C1R: variants seen among roughly 807,000 people sequenced by gnomAD.
C1R encodes complement C1r subcomponent.
In C1R, 15 loss-of-function variants were observed where a neutral mutation model predicts 27.6. The ratio of observed to expected loss-of-function variants is 0.54; its 90% confidence interval spans 0.36 to 0.84. The LOEUF (loss-of-function observed/expected upper bound fraction) is 0.84, where lower values mean the gene tolerates loss of function less well. Among genes scored for constraint, C1R ranks in the 40% least tolerant of loss-of-function variants. C1R has a pLI of 0.01. For missense variants in C1R, 544 were observed against 577.9 expected (o/e 0.94, Z 0.60); for synonymous variants, 253 against 228.8 (o/e 1.11, Z -0.95).
chr12:7,083,556 T>G (rs1938105973), intron 9 of C1R, among the ~76,000 whole-genome samples: 1 of 145,410 alleles, frequency 6.9e-6, no homozygotes, highest in South Asian at 2.2e-4. Context: ...GTGGCGACAG[T>G]GGTGTTGGTA....
chr12:7,089,037 G>A (rs1938206117), intron 5 of C1R, 51 bp from the exon 6 acceptor site: 1 of 682,522 alleles, frequency 1.5e-6, no homozygotes, highest in African/African-American at 1.8e-5. Flanking sequence ...TTTTACACAG[G>A]GCCAACTGGG....
chr12:7,086,746 T>C (rs1284143785), intron 7 of C1R: 5 of 285,194 alleles, frequency 1.8e-5, no homozygotes, highest in Non-Finnish European at 3.2e-5. Flanking sequence ...GAGGTCCAGT[T>C]GAATCCCACA....
intron 10 of C1R, 44 bp from the exon 11 acceptor site, chr12:7,081,345 C>T (rs748628678): frequency 1.3e-6 from 2 of 1,549,860 alleles, no homozygotes; most frequent in Non-Finnish European, 1.8e-6. Context: ...AGTTCCAGGT[C>T]CCACATCTCT....
chr12:7,091,824 G>GC lies in C1R; in HGVS notation c.3-145dup, dbSNP rs1938283515. 2 of 705,146 alleles carry GC rather than the reference G, an allele frequency of 2.8e-6. No homozygotes were observed. The highest frequency in any genetic ancestry group is 3.5e-5 in the African/African-American group (2 of 57,356). The allele number at this position is 705,146 out of a possible 1,614,324, so 43.7% of individuals were successfully genotyped here. On this transcript the variant is annotated intron_variant, in intron 1 of 10. Coordinates refer to ENST00000647956, the MANE Select transcript of C1R (RefSeq NM_001733.7). The surrounding 1 kb of genome is among the most constrained non-coding windows in gnomAD (Gnocchi z 5.1). ...CCTGAACCTCACAGACATGTTCTCA[G>GC]CAGGGGTGCGTGGGTGGGGAGGATG...
At position 7,081,203 on chromosome 12, in the gene C1R, T is replaced by A; in HGVS notation, c.1447A>T (p.Ile483Phe). The part of the protein sequence containing the change: ...GNFPWQVFTN[I>F]HGRGGGALLG... ...AGGGCCCCGCCCCCGCGCCCGTGGA[T>A]GTTGGTGAACACCTGCCAGGGGAAG... Residue 483 changes from isoleucine (I) to phenylalanine (F), a missense_variant, in exon 11 of 11, where the codon ATC becomes TTC. Around this residue, in one of 2 missense-constraint regions of C1R, gnomAD observed 253 missense variants for 368.9 expected, o/e 0.69. Coordinates refer to ENST00000647956, the MANE Select transcript of C1R (RefSeq NM_001733.7). The A allele has an allele frequency of 6.2e-7, 1 of 1,613,624 alleles. No individual in the cohort carries two copies. Among genetic ancestry groups the A allele is most frequent in the East Asian group, 2.2e-5 (1 of 44,878 alleles).
intron 10 of C1R, 66 bp from the exon 11 acceptor site, chr12:7,081,367 C>T: frequency 2.1e-6 from 3 of 1,425,408 alleles, no homozygotes; most frequent in South Asian, 1.2e-5. Context: ...CCTTCTGCAG[C>T]CAGCCAGCTC....
intron 9 of C1R, among the ~76,000 whole-genome samples, chr12:7,083,333 TTGG>T (rs1305343561): frequency 0.064 from 120 of 1,878 alleles, no homozygotes; most frequent in Middle Eastern, 0.25. Flanking sequence ...GGTAATGGTG[TTGG>T]TGGTGATGGT....
Position 7,090,100 on chromosome 12 carries a change from G to A in C1R, c.380C>T (p.Thr127Ile), listed in dbSNP as rs750515595. The A allele has an allele frequency of 6.4e-6, 5 of 778,054 alleles. No individual in the cohort carries two copies. Among genetic ancestry groups the A allele is most frequent in the Non-Finnish European group, 1.2e-5 (5 of 416,884 alleles). 48.2% of individuals were successfully genotyped at this position (778,054 alleles called of 1,614,324 possible). Residue 127 changes from threonine (T) to isoleucine (I), a missense_variant, in exon 3 of 11, where the codon ACC becomes ATC. Transcript: ENST00000647956. ...HTDFSNEENG[T>I]IMFYKGFLAY... ...CAGGAAGCCCTTGTAGAACATGATG[G>A]TCCCATTCTCCTCGTTGGAGAAGTC...
rs1938269194 is a variant in C1R, at chr12:7,091,372, G to A, written c.231+80C>T. The stretch of plus-strand genomic sequence containing the variant: ...GCTCTTGTGGGGCTGGGCTGTGTCT[G>A]GGGGTGTGCATGCCATACAGATCCC... On this transcript the variant is annotated intron_variant, in intron 2 of 10. Coordinates refer to ENST00000647956, the MANE Select transcript of C1R (RefSeq NM_001733.7). The surrounding 1 kb of genome is among the most constrained non-coding windows in gnomAD (Gnocchi z 5.1). The A allele has an allele frequency of 4.3e-6, 3 of 696,958 alleles. No individual in the cohort carries two copies. The highest frequency in any genetic ancestry group is 2.3e-5 in the Admixed American group (1 of 43,132). 43.2% of individuals were successfully genotyped at this position (696,958 alleles called of 1,614,324 possible). A position where few individuals can be genotyped will look rare whatever the true frequency, so the allele number is the denominator to read the frequency against.
chr12:7,080,926 G>C lies in C1R; in HGVS notation c.1724C>G (p.Pro575Arg). The change falls in exon 11 of 11, where the codon CCC (proline) becomes CGC (arginine). Residue 575 changes from proline to arginine, a missense_variant. By Grantham distance (103) the Pro-to-Arg change is moderately radical. Coordinates refer to ENST00000647956, the MANE Select transcript of C1R (RefSeq NM_001733.7). The surrounding 1 kb of genome is among the most constrained non-coding windows in gnomAD (Gnocchi z 4.9). ...NSVTLGPNLL[P>R]ICLPDNDTFY... is the part of the protein sequence containing the mutation. Reference sequence around the variant, plus strand: ...GGTATCGTTGTCAGGGAGGCAGATGGGGAGGAGGTTGGGACCCAGGGTGAC... The same window carrying C: ...GGTATCGTTGTCAGGGAGGCAGATGCGGAGGAGGTTGGGACCCAGGGTGAC... 2 of 1,613,110 alleles carry C rather than the reference G, an allele frequency of 1.2e-6. No homozygotes were observed. The highest frequency in any genetic ancestry group is 1.7e-6 in the Non-Finnish European group (2 of 1,179,102).
At chr12:7,088,753 A>T (rs762863929) in intron 6 of C1R, 22 bp from the exon 7 acceptor site, 16 of 776,288 alleles carry the variant, frequency 2.1e-5, no homozygotes, top group African/African-American at 3.4e-5. Context: ...ACCAGGGGGC[A>T]TATTTATTTC....
chr12:7,085,799 A>C (rs1938148930), intron 9 of C1R, 62 bp downstream of exon 9: 1 of 398,236 alleles, frequency 2.5e-6, no homozygotes, highest in Non-Finnish European at 4.4e-6. Context: ...TACTGGGAGA[A>C]ATCTCAGAGG....
rs1292867649 is a variant in C1R, at chr12:7,085,071, G to A, written c.1273+790C>T. Reference sequence around the variant, plus strand: ...GTTGACAGTGGTGTTGGTAATGATAGTGGTGATGGTGGTGATGGTGGTGTT... The same window carrying A: ...GTTGACAGTGGTGTTGGTAATGATAATGGTGATGGTGGTGATGGTGGTGTT... On this transcript the variant is annotated intron_variant, in intron 9 of 10. Coordinates refer to ENST00000647956, the MANE Select transcript of C1R (RefSeq NM_001733.7). 2.7e-5 allele frequency among the ~76,000 whole-genome samples: 3 copies of A among 112,772 alleles called. 1 individual carries two copies. The highest frequency in any genetic ancestry group is 9.9e-5 in the African/African-American group (3 of 30,408). 74.0% of individuals were successfully genotyped at this position (112,772 alleles called of 152,430 possible). A position where few individuals can be genotyped will look rare whatever the true frequency, so the allele number is the denominator to read the frequency against.
chr12:7,089,243 G>A (rs746686084), intron 5 of C1R, 50 bp downstream of exon 5: 4 of 759,388 alleles, frequency 5.3e-6, no homozygotes, highest in East Asian at 2.5e-5. Flanking sequence ...GAGGAGCCAA[G>A]TGCAGACAGA....
At chr12:7,084,830 A>ATGC (rs1938114781) in intron 9 of C1R, among the ~76,000 whole-genome samples, 1 of 139,178 alleles carries the variant, frequency 7.2e-6, no homozygotes, top group African/African-American at 2.9e-5. Flanking sequence ...GGTGTTGGTA[A>ATGC]TGGTGTTGGT....
rs1938053727 is a variant in C1R, at chr12:7,081,160, A to T, written c.1490T>A (p.Ile497Asn). ...ATACAGGGTGTGGGCAGCTGTGAGG[A>T]TCCAGCGGTCGCCCAGCAGGGCCCC... ...GGGALLGDRW[I>N]LTAAHTLYPK... Residue 497 changes from isoleucine (I) to asparagine (N), a missense_variant, in exon 11 of 11, where the codon ATC (isoleucine) becomes AAC (asparagine). Ile to Asn is a moderately radical substitution (Grantham distance 149). Around this residue, in one of 2 missense-constraint regions of C1R, gnomAD observed 253 missense variants for 368.9 expected, o/e 0.69. Coordinates refer to ENST00000647956, the MANE Select transcript of C1R (RefSeq NM_001733.7). The T allele has an allele frequency of 6.2e-7, 1 of 1,613,812 alleles. No homozygotes were observed. The highest frequency in any genetic ancestry group is 8.5e-7 in the Non-Finnish European group (1 of 1,179,876).
intron 2 of C1R, among the ~76,000 whole-genome samples, chr12:7,090,850 G>A (rs766376811): frequency 2.6e-5 from 4 of 152,146 alleles, no homozygotes; most frequent in Non-Finnish European, 4.4e-5. Context: ...CTTCTGAGCC[G>A]GTAAGACGTG....
chr12:7,089,556 C>A (rs1486743774), intron 4 of C1R, 31 bp downstream of exon 4: 2 of 780,782 alleles, frequency 2.6e-6, no homozygotes, highest in Non-Finnish European at 4.8e-6. Flanking sequence ...TGGCTCAACC[C>A]CTTCCCCTCT....
chr12:7,085,370 GTGT>G (rs1591588498), intron 9 of C1R, among the ~76,000 whole-genome samples: 1 of 151,602 alleles, frequency 6.6e-6, no homozygotes, highest in African/African-American at 2.4e-5. Flanking sequence ...GGTGATGATG[GTGT>G]TGGTGGTGGT....
Sources: gnomAD v4.1 joint callset for allele counts (sites outside exome capture counted in the v4.1 genomes callset) on GRCh38, gnomAD v4.1.1 for gene constraint, gnomAD v4.1.1 regional missense constraint, Gnocchi (gnomAD v3.1) non-coding constraint, MANE v1.5 for transcripts, NCBI Gene and HGNC (gene_info 2026-07-23, HGNC 2026-07-21) for gene names.